KIF13B: variants seen among roughly 807,000 people sequenced by gnomAD.
KIF13B encodes kinesin-like protein KIF13B.
KIF13B carries 127 observed loss-of-function variants against 222.0 expected under a neutral mutation model. The ratio of observed to expected loss-of-function variants is 0.57; its 90% confidence interval spans 0.50 to 0.66. The LOEUF (loss-of-function observed/expected upper bound fraction) is 0.66. Ranked by LOEUF, KIF13B falls within the 30% of genes least tolerant of loss-of-function variation. The pLI is 0.00. For missense variants in KIF13B, 2,173 were observed against 2,379.0 expected, an observed-to-expected ratio of 0.91 and a Z score of 1.80; for synonymous variants, 976 against 919.0, an observed-to-expected ratio of 1.06 and a Z score of -1.12.
intron 13 of KIF13B, among the ~76,000 whole-genome samples, chr8:29,157,080 T>G (rs1312461581): frequency 6.6e-6 from 1 of 151,906 alleles, no homozygotes; most frequent in African/African-American, 2.4e-5. Context: ...GGGAAAACCT[T>G]ACAGATTTTT....
Position 29,146,534 on chromosome 8 carries a change from T to C in KIF13B, c.2031A>G (p.Ala677=). Reference sequence around the variant, plus strand: ...GCCTCATCAGGCTGTTATTCAACGTTGCTTCTCTAAAAAAAAATAAAGAAG... The same window carrying C: ...GCCTCATCAGGCTGTTATTCAACGTCGCTTCTCTAAAAAAAAATAAAGAAG... ...RLRQWAEERE[A]TLNNSLMRLR... The change falls in exon 18 of 40, where the codon GCA becomes GCG. Residue 677 remains alanine (A), a synonymous_variant. Coordinates refer to ENST00000524189, the MANE Select transcript of KIF13B (RefSeq NM_015254.4). 1.2e-6 allele frequency: 2 copies of C among 1,612,510 alleles called. No individual in the cohort carries two copies. Among genetic ancestry groups the C allele is most frequent in the Non-Finnish European group, 8.5e-7 (1 of 1,179,500 alleles).
intron 2 of KIF13B, among the ~76,000 whole-genome samples, chr8:29,207,535 G>A (rs1312406682): frequency 6.6e-6 from 1 of 152,058 alleles, no homozygotes; most frequent in Non-Finnish European, 1.5e-5. Context: ...AAACTGTCCA[G>A]TCCTGATTTA....
rs80149245 is a variant in KIF13B at position 29,123,692 on chromosome 8, G to A, written c.3353-200C>T. Among the ~76,000 whole-genome samples, 22 of 152,294 alleles carry A rather than the reference G, an allele frequency of 1.4e-4. No homozygotes were observed. In the East Asian group the frequency reaches 2.5e-3, roughly 17 times the overall value. ...TTCAGTTCCTGGGAGGCCTACAGAG[G>A]GACCGCACAGGAGTGACTGGTCCAG... On this transcript the variant is annotated intron_variant, in intron 27 of 39. Transcript: ENST00000524189.
intron 32 of KIF13B, among the ~76,000 whole-genome samples, chr8:29,112,877 G>A (rs1809421969): frequency 6.6e-6 from 1 of 152,136 alleles, no homozygotes; most frequent in African/African-American, 2.4e-5. Flanking sequence ...CTGCTTCTCT[G>A]AATCCTCTGA....
intron 8 of KIF13B, among the ~76,000 whole-genome samples, chr8:29,179,415 G>A (rs1812617599): frequency 6.6e-6 from 1 of 152,194 alleles, no homozygotes; most frequent in Non-Finnish European, 1.5e-5. Flanking sequence ...CAGTGCCTGG[G>A]CAAGCGAGAG....
At chr8:29,193,789 T>G (rs1407028192) in intron 3 of KIF13B, among the ~76,000 whole-genome samples, 2 of 152,226 alleles carry the variant, frequency 1.3e-5, no homozygotes, top group Non-Finnish European at 1.5e-5. Flanking sequence ...AGATGCTATG[T>G]AAATAGTTGT....
chr8:29,153,031 G>A (rs149697000), intron 14 of KIF13B, among the ~76,000 whole-genome samples: 72 of 152,224 alleles, frequency 4.7e-4, no homozygotes, highest in South Asian at 1.0e-3. Context: ...GTGGAAGTCC[G>A]AACCTGCAAA....
At chr8:29,219,793 T>G (rs1814660532) in intron 2 of KIF13B, among the ~76,000 whole-genome samples, 1 of 151,066 alleles carries the variant, frequency 6.6e-6, no homozygotes, top group South Asian at 2.1e-4. Context: ...CAAGCCTCGG[T>G]GGCTCACGCC....
At chr8:29,262,296 A>G (rs1191184250) in intron 1 of KIF13B, among the ~76,000 whole-genome samples, 1 of 152,224 alleles carries the variant, frequency 6.6e-6, no homozygotes, top group Non-Finnish European at 1.5e-5. Flanking sequence ...ACAATTCCAC[A>G]AGAATCTTGG....
intron 31 of KIF13B, among the ~76,000 whole-genome samples, chr8:29,115,337 T>C (rs1809543959): frequency 6.6e-6 from 1 of 151,792 alleles, no homozygotes; most frequent in Non-Finnish European, 1.5e-5. Context: ...TTTTTTTTTT[T>C]TTTTTTGAGA....
At chr8:29,224,154 G>A (rs1299804172) in intron 2 of KIF13B, among the ~76,000 whole-genome samples, 1 of 134,626 alleles carries the variant, frequency 7.4e-6, no homozygotes, top group Non-Finnish European at 1.6e-5. Flanking sequence ...ACCACGCCCG[G>A]CTAATTTTTG....
intron 32 of KIF13B, chr8:29,110,460 G>A (rs1211947824): frequency 8.6e-6 from 2 of 231,708 alleles, no homozygotes; most frequent in African/African-American, 4.7e-5. Context: ...GAGGGGCTGG[G>A]GTGACTGCTA....
chr8:29,190,198 T>C (rs1028421225), intron 4 of KIF13B: 2 of 152,238 alleles, frequency 1.3e-5, no homozygotes, highest in African/African-American at 4.8e-5. Context: ...CCACAAGGTC[T>C]TGCCTCATAT....
intron 21 of KIF13B, among the ~76,000 whole-genome samples, chr8:29,137,396 G>A (rs1309840636): frequency 6.6e-6 from 1 of 152,208 alleles, no homozygotes; most frequent in Non-Finnish European, 1.5e-5. Context: ...GAGTATCACA[G>A]ACTTCAACTT....
At chr8:29,181,848 T>C in intron 7 of KIF13B, 71 bp downstream of exon 7, 2 of 1,010,972 alleles carry the variant, frequency 2.0e-6, no homozygotes, top group South Asian at 3.1e-5. Flanking sequence ...AATAACAAAT[T>C]AAGCCAAGAA....
chr8:29,095,216 TAAAGAG>T (rs1456387019), intron 36 of KIF13B, among the ~76,000 whole-genome samples: 1 of 152,076 alleles, frequency 6.6e-6, no homozygotes, highest in Non-Finnish European at 1.5e-5. Flanking sequence ...ACCACAAAGA[TAAAGAG>T]AAACTTCTGA....
intron 35 of KIF13B, among the ~76,000 whole-genome samples, chr8:29,100,850 A>G (rs570229373): frequency 5.3e-5 from 8 of 152,310 alleles, no homozygotes; most frequent in African/African-American, 1.9e-4. Flanking sequence ...GGTTTCAGAA[A>G]TGTATTGGAA....
intron 38 of KIF13B, 60 bp downstream of exon 38, chr8:29,075,221 G>C: frequency 7.2e-7 from 1 of 1,394,260 alleles, no homozygotes; most frequent in Non-Finnish European, 9.9e-7. Flanking sequence ...CAACAGTTTC[G>C]GCATCAGGGC....
chr8:29,206,462 T>TTCCTTAACTTCCTTGAGTGAAAATTCAA (rs1189515171), intron 2 of KIF13B, among the ~76,000 whole-genome samples: 7 of 151,066 alleles, frequency 4.6e-5, no homozygotes, highest in Non-Finnish European at 1.0e-4. Flanking sequence ...TAGCGAAGAT[T>TTCCTTAACTTCCTTGAGTGAAAATTCAA]TCCTTAACTT....
Sources: allele counts gnomAD v4.1 joint callset (sites outside exome capture counted in the v4.1 genomes callset), GRCh38; gene constraint gnomAD v4.1.1; transcripts MANE v1.5; gene names NCBI Gene and HGNC (gene_info 2026-07-23, HGNC 2026-07-21).